Variants in FER1L5 observed in about 807,000 individuals in gnomAD.
The protein encoded by FER1L5 is fer-1-like protein 5.
FER1L5 carries 187 observed loss-of-function variants against 279.9 expected under a neutral mutation model. That is an observed-to-expected ratio of 0.67 (90% CI 0.59 to 0.75). The LOEUF (loss-of-function observed/expected upper bound fraction) is 0.75. Among genes scored for constraint, FER1L5 ranks in the 30% least tolerant of loss-of-function variants. The pLI is 0.00. For missense variants in FER1L5, 2,091 were observed against 2,594.4 expected, an observed-to-expected ratio of 0.81 and a Z score of 4.21; for synonymous variants, 921 against 989.7, an observed-to-expected ratio of 0.93 and a Z score of 1.30.
Position 96,685,320 on chromosome 2 carries a change from G to A in FER1L5, c.1795-9G>A. ...CGGGCTCTCTCACCATTTCTCTCCT[G>A]CTGGGCAGAAAGCCAACCTGGACAC... On this transcript the variant is annotated splice_polypyrimidine_tract_variant and intron_variant, in intron 20 of 52. Transcript: ENST00000624922. 6.4e-7 allele frequency: 1 copy of A among 1,551,104 alleles called. No homozygotes were observed. The highest frequency in any genetic ancestry group is 1.7e-4 in the Middle Eastern group (1 of 5,980).
Position 96,661,679 on chromosome 2 carries a change from G to A in FER1L5, c.906G>A (p.Lys302=). 1 of 1,551,712 alleles carries A rather than the reference G, an allele frequency of 6.4e-7. No homozygotes were observed. The highest frequency in any genetic ancestry group is 8.7e-7 in the Non-Finnish European group (1 of 1,146,994). The part of the protein sequence containing the change: ...GVGDQALIDQ[K]LLYGTDDTDI... ...TCTGGTCTCTCCAGATAGATCAAAAGCTGCTCTATGGCACCGATGACACCG... is the reference window on the plus strand; with the variant it reads ...TCTGGTCTCTCCAGATAGATCAAAAACTGCTCTATGGCACCGATGACACCG... Residue 302 remains lysine (K), a synonymous_variant, in exon 12 of 53, where the codon AAG becomes AAA. Transcript: ENST00000624922.
Position 96,670,153 on chromosome 2 carries a change from A to T in FER1L5, c.1397A>T (p.Tyr466Phe). The T allele has an allele frequency of 6.4e-7, 1 of 1,551,596 alleles. No homozygotes were observed. The highest frequency in any genetic ancestry group is 8.7e-7 in the Non-Finnish European group (1 of 1,146,972). The change falls in exon 18 of 53, where the codon TAT becomes TTT. Residue 466 changes from tyrosine (Y) to phenylalanine (F), a missense_variant. Tyr to Phe is a conservative substitution (Grantham distance 22). Transcript: ENST00000624922. ...IPDSVRDGLA[Y>F]RGRVFLELIT... ...GACTCTGTTAGGGATGGTTTAGCTT[A>T]TCGAGGCCGAGTCTTCCTGGAGTTA...
At chr2:96,673,774 T>A (rs549481463) in intron 19 of FER1L5, among the ~76,000 whole-genome samples, 1 of 152,170 alleles carries the variant, frequency 6.6e-6, no homozygotes, top group Non-Finnish European at 1.5e-5. Context: ...TGGAAACTTG[T>A]TAGAAATGCA....
chr2:96,663,643 C>A, intron 14 of FER1L5, 136 bp downstream of exon 14: 1 of 915,292 alleles, frequency 1.1e-6, no homozygotes, highest in South Asian at 1.5e-5. Context: ...TGATAGGGAG[C>A]ATGAGGAAGC....
intron 23 of FER1L5, 56 bp downstream of exon 23, chr2:96,686,406 G>A (rs1205489697): frequency 1.7e-5 from 26 of 1,511,518 alleles, no homozygotes; most frequent in East Asian, 1.2e-4. Context: ...CCCCAGGGGA[G>A]CCCCCTGAAC....
At chr2:96,687,684 G>A in intron 23 of FER1L5, 132 bp from the exon 24 acceptor site, 1 of 1,370,236 alleles carries the variant, frequency 7.3e-7, no homozygotes, top group African/African-American at 1.4e-5. Context: ...TACAGCTCCA[G>A]CACTCAGCTC....
intron 9 of FER1L5, among the ~76,000 whole-genome samples, chr2:96,659,408 T>TCCTTCCTTCCTTCCTTCCTTCCTTCCTTC (rs1460200004): frequency 1.8e-4 from 1 of 5,474 alleles, no homozygotes; most frequent in South Asian, 8.5e-3. Flanking sequence ...TTTCTTTCTT[T>TCCTTCCTTCCTTCCTTCCTTCCTTCCTTC]CTTTCTTTCT....
chr2:96,647,203 A>G (rs2075171183), intron 3 of FER1L5, 48 bp downstream of exon 3: 2 of 1,523,484 alleles, frequency 1.3e-6, no homozygotes, highest in Admixed American at 2.0e-5. Flanking sequence ...CCAACGCAGC[A>G]GCAAGTTATG....
rs1030481863 is a variant in FER1L5, at chr2:96,695,544, G to A, written c.3777G>A (p.Ala1259=). The change falls in exon 35 of 53, where the codon GCG becomes GCA. Residue 1259 remains alanine (A), a synonymous_variant. Coordinates refer to ENST00000624922, the MANE Select transcript of FER1L5 (RefSeq NM_001293083.2). The stretch of plus-strand genomic sequence containing the variant: ...GGGGCCTTCGGAACATGAAGAAGGC[G>A]AGCTCCCCCCAGCTCCTGGTGGAAT... ...LAWGLRNMKK[A]SSPQLLVEFG... 15 of 1,593,724 alleles carry A rather than the reference G, an allele frequency of 9.4e-6. No homozygotes were observed. The highest frequency in any genetic ancestry group is 3.5e-5 in the Admixed American group (2 of 56,716).
At chr2:96,695,484 C>G (rs1191438318) in intron 34 of FER1L5, 25 bp from the exon 35 acceptor site, 1 of 1,561,426 alleles carries the variant, frequency 6.4e-7, no homozygotes, top group East Asian at 2.3e-5. Flanking sequence ...GCCCCTTGTC[C>G]TGCCCTCCTT....
At chr2:96,642,946 G>T in intron 1 of FER1L5, 25 bp downstream of exon 1, 2 of 1,541,138 alleles carry the variant, frequency 1.3e-6, no homozygotes. Flanking sequence ...GGGTCCACAT[G>T]GGAGAGAGAA....
rs1463283294 is a variant in FER1L5, at chr2:96,686,344, C to T, written c.2223C>T (p.Phe741=). 6.4e-7 allele frequency: 1 copy of T among 1,550,518 alleles called. No individual in the cohort carries two copies. The highest frequency in any genetic ancestry group is 1.4e-5 in the African/African-American group (1 of 73,056). ...GRLCGKIQTL[F]LQYPEGEGQK... ...TCTGTGGGAAGATACAGACACTCTTCCTACAGGTGGGAATCAGGGACTCCT... is the reference window on the plus strand; with the variant it reads ...TCTGTGGGAAGATACAGACACTCTTTCTACAGGTGGGAATCAGGGACTCCT... Residue 741 remains phenylalanine (F), a synonymous_variant, in exon 23 of 53, where the codon TTC becomes TTT. Coordinates refer to ENST00000624922, the MANE Select transcript of FER1L5 (RefSeq NM_001293083.2).
At position 96,695,853 on chromosome 2, in the gene FER1L5, C is replaced by A; in HGVS notation, c.4006C>A (p.Pro1336Thr). 4 of 1,613,662 alleles carry A rather than the reference C, an allele frequency of 2.5e-6. No homozygotes were observed. The highest frequency in any genetic ancestry group is 3.4e-6 in the Non-Finnish European group (4 of 1,179,802). Residue 1336 changes from proline (P) to threonine (T), a missense_variant, in exon 36 of 53, where the codon CCC becomes ACC. By Grantham distance (38) the Pro-to-Thr change is conservative. Coordinates refer to ENST00000624922, the MANE Select transcript of FER1L5 (RefSeq NM_001293083.2). The stretch of plus-strand genomic sequence containing the variant: ...CCAGGCCAACATCGACTTCCTCCAG[C>A]CCTACTTCTGTGACCCCTGGGCTCA... ...TGQANIDFLQPYFCDPWAQDY... is the reference protein window; with the variant it reads ...TGQANIDFLQTYFCDPWAQDY...
chr2:96,692,019 CGGGG>C, intron 30 of FER1L5, 56 bp downstream of exon 30: 5 of 889,452 alleles, frequency 5.6e-6, no homozygotes, highest in Non-Finnish European at 7.9e-6. Context: ...TACCCGAGGG[CGGGG>C]GGGGGGGACA....
chr2:96,668,137 G>C (rs2076194190), intron 14 of FER1L5, among the ~76,000 whole-genome samples: 1 of 152,158 alleles, frequency 6.6e-6, no homozygotes, highest in Non-Finnish European at 1.5e-5. Flanking sequence ...GAGCCACCAT[G>C]CTTGTCCAGA....
At chr2:96,660,262 C>A in intron 9 of FER1L5, 79 bp from the exon 10 acceptor site, 1 of 1,446,492 alleles carries the variant, frequency 6.9e-7, no homozygotes, top group Non-Finnish European at 9.5e-7. Context: ...CAACAGCTAG[C>A]AGTTGGGTCA....
At position 96,704,629 on chromosome 2, in the gene FER1L5, C is replaced by T; in HGVS notation, c.6111C>T (p.Leu2037=). ...CTACAATAGACCATGAGTGGAAACT[C>T]CACCCAGGACCCACAAATCACCTGA... is the stretch of plus-strand genomic sequence containing the variant. The part of the protein sequence containing the change: ...LKPTIDHEWK[L]HPGPTNHLSD... Residue 2037 remains leucine (L), a synonymous_variant, in exon 53 of 53, where the codon CTC becomes CTT. Transcript: ENST00000624922. 3.7e-6 allele frequency: 6 copies of T among 1,614,004 alleles called. No homozygotes were observed. Among genetic ancestry groups the T allele is most frequent in the Non-Finnish European group, 5.1e-6 (6 of 1,179,896 alleles).
At chr2:96,695,401 C>T (rs1003052635) in intron 34 of FER1L5, 108 bp from the exon 35 acceptor site, 245 of 1,395,944 alleles carry the variant, frequency 1.8e-4, no homozygotes, top group Non-Finnish European at 2.1e-4. Context: ...CCTGGCCCTG[C>T]AGGCTCCTGC....
chr2:96,660,512 T>C, intron 10 of FER1L5, 141 bp downstream of exon 10: 1 of 742,636 alleles, frequency 1.3e-6, no homozygotes, highest in Non-Finnish European at 2.3e-6. Context: ...TATTTGGTAA[T>C]ATTTCACTGT....
Sources: gnomAD v4.1 joint callset for allele counts (sites outside exome capture counted in the v4.1 genomes callset) on GRCh38, gnomAD v4.1.1 for gene constraint, MANE v1.5 for transcripts, NCBI Gene and HGNC (gene_info 2026-07-23, HGNC 2026-07-21) for gene names.